The following OPRM1 variants were observed in gnomAD, a reference collection of about 807,000 sequenced individuals.
The protein encoded by OPRM1 is opioid receptor mu 1, also known as mu-type opioid receptor.
A neutral mutation model predicts 31.8 loss-of-function variants in OPRM1; 27 were observed. The ratio of observed to expected loss-of-function variants is 0.85; its 90% confidence interval spans 0.63 to 1.17. OPRM1 has a LOEUF of 1.17. Among genes scored for constraint, OPRM1 ranks in the 50% most tolerant of loss-of-function variants. The pLI, the probability that OPRM1 is intolerant of heterozygous loss-of-function variation, is 0.00. For missense variants in OPRM1, 536 were observed against 511.1 expected (o/e 1.05, Z -0.47); for synonymous variants, 196 against 189.9 (o/e 1.03, Z -0.26).
intron 3 of OPRM1, chr6:154,200,110 T>C: frequency 7.2e-7 from 1 of 1,395,564 alleles, no homozygotes; most frequent in Non-Finnish European, 9.6e-7. Flanking sequence ...CTCTACCTTT[T>C]ATTTTCAATC....
At chr6:154,045,735 G>C (rs1196535254) in intron 1 of OPRM1, among the ~76,000 whole-genome samples, 1 of 152,170 alleles carries the variant, frequency 6.6e-6, no homozygotes, top group Non-Finnish European at 1.5e-5. Context: ...CTGCCCTAGG[G>C]CTTCTCTACT....
At chr6:154,109,056 T>A (rs755224350) in intron 3 of OPRM1, 4 of 984,450 alleles carry the variant, frequency 4.1e-6, no homozygotes, top group Non-Finnish European at 4.8e-6. Flanking sequence ...AATTCTAGTG[T>A]CTAGAACCAA....
chr6:154,040,965 C>T (rs1183834068), intron 1 of OPRM1, among the ~76,000 whole-genome samples: 3 of 149,496 alleles, frequency 2.0e-5, no homozygotes, highest in Admixed American at 6.6e-5. Context: ...GTTCCTAATT[C>T]GAGGGTTTTT....
intron 3 of OPRM1, among the ~76,000 whole-genome samples, chr6:154,169,140 C>T (rs1045296911): frequency 2.6e-5 from 4 of 152,222 alleles, no homozygotes; most frequent in African/African-American, 7.2e-5. Context: ...GCAGGAGGAT[C>T]GCCTGAGCTC....
chr6:154,222,608 C>G (rs1778952762), intron 3 of OPRM1, among the ~76,000 whole-genome samples: 1 of 152,196 alleles, frequency 6.6e-6, no homozygotes, highest in Non-Finnish European at 1.5e-5. Context: ...GTCACAAACT[C>G]TTTGGGCTGT....
intron 3 of OPRM1, among the ~76,000 whole-genome samples, chr6:154,161,914 T>G (rs1799053596): frequency 6.6e-6 from 1 of 152,200 alleles, no homozygotes; most frequent in Non-Finnish European, 1.5e-5. Context: ...TTTCACATCC[T>G]TTTTCTGGCA....
chr6:154,060,378 C>T (rs146306739), intron 1 of OPRM1, among the ~76,000 whole-genome samples: 95 of 152,290 alleles, frequency 6.2e-4, no homozygotes, highest in Non-Finnish European at 1.1e-3. Context: ...GTAGTGGAAA[C>T]TCCCACATTT....
intron 3 of OPRM1, among the ~76,000 whole-genome samples, chr6:154,148,884 G>GACCTC (rs1000333776): frequency 6.6e-6 from 1 of 152,180 alleles, no homozygotes. Context: ...TCTATTACTT[G>GACCTC]ACCTCTGTAT....
Position 154,091,305 on chromosome 6 carries a change from C to G in OPRM1, c.997C>G (p.Leu333Val). 1.9e-6 allele frequency: 3 copies of G among 1,614,228 alleles called. No homozygotes were observed. Among genetic ancestry groups the G allele is most frequent in the Non-Finnish European group, 2.5e-6 (3 of 1,180,034 alleles). The change falls in exon 3 of 4, where the codon CTC becomes GTC. Residue 333 changes from leucine to valine, a missense_variant. Transcript: ENST00000330432. The part of the protein sequence containing the change: ...CIALGYTNSC[L>V]NPVLYAFLDE... ...TGCTCTAGGTTACACAAACAGCTGC[C>G]TCAACCCAGTCCTTTATGCATTTCT...
At chr6:154,223,513 C>T (rs1043402186) in intron 3 of OPRM1, among the ~76,000 whole-genome samples, 1 of 151,476 alleles carries the variant, frequency 6.6e-6, no homozygotes, top group Non-Finnish European at 1.5e-5. Flanking sequence ...GGCTTAGGGC[C>T]TGTCTCCACC....
chr6:154,051,544 A>G (rs1323941575), intron 1 of OPRM1, among the ~76,000 whole-genome samples: 2 of 152,208 alleles, frequency 1.3e-5, no homozygotes, highest in Non-Finnish European at 2.9e-5. Context: ...AAGAGTTACA[A>G]AGTATTTATG....
chr6:154,160,525 T>C (rs1053782152), intron 3 of OPRM1, among the ~76,000 whole-genome samples: 4 of 152,228 alleles, frequency 2.6e-5, no homozygotes, highest in Non-Finnish European at 5.9e-5. Context: ...ATTTATTTAA[T>C]ACAGAATAAA....
At chr6:154,207,462 T>C (rs1777594768) in intron 3 of OPRM1, among the ~76,000 whole-genome samples, 1 of 152,260 alleles carries the variant, frequency 6.6e-6, no homozygotes, top group Non-Finnish European at 1.5e-5. Flanking sequence ...AATAATCAAA[T>C]GACTTTGGTA....
At chr6:154,054,609 G>C (rs1782867160) in intron 1 of OPRM1, among the ~76,000 whole-genome samples, 1 of 152,168 alleles carries the variant, frequency 6.6e-6, no homozygotes, top group Admixed American at 6.5e-5. Context: ...ACTTTAAGGG[G>C]TTATTTATAG....
chr6:154,033,635 T>C (rs1440388879), intron 1 of OPRM1, among the ~76,000 whole-genome samples: 1 of 152,150 alleles, frequency 6.6e-6, no homozygotes, highest in Non-Finnish European at 1.5e-5. Context: ...AAGGCTATAA[T>C]GCAAAAGAGT....
chr6:154,163,454 T>C (rs984959367), intron 3 of OPRM1, among the ~76,000 whole-genome samples: 8 of 152,230 alleles, frequency 5.3e-5, no homozygotes, highest in Non-Finnish European at 1.2e-4. Flanking sequence ...TTCCTCAACA[T>C]GTTCTATCCC....
At chr6:154,224,251 T>C (rs1340594799) in intron 3 of OPRM1, among the ~76,000 whole-genome samples, 1 of 152,270 alleles carries the variant, frequency 6.6e-6, no homozygotes, top group African/African-American at 2.4e-5. Flanking sequence ...TTCAGTTTAC[T>C]TGATCATTCT....
chr6:154,152,345 AAG>A (rs764640190), intron 3 of OPRM1, among the ~76,000 whole-genome samples: 2 of 13,432 alleles, frequency 1.5e-4, no homozygotes, highest in African/African-American at 3.7e-4. Context: ...GAAAGAAAGA[AAG>A]GAAAGAAAGA....
At chr6:154,078,640 G>A (rs1788387513) in intron 1 of OPRM1, among the ~76,000 whole-genome samples, 1 of 152,236 alleles carries the variant, frequency 6.6e-6, no homozygotes. Context: ...GGAGGCCAAG[G>A]AGGGAGGACC....
Sources: allele counts gnomAD v4.1 joint callset (sites outside exome capture counted in the v4.1 genomes callset), GRCh38; gene constraint gnomAD v4.1.1; transcripts MANE v1.5; gene names NCBI Gene and HGNC (gene_info 2026-07-23, HGNC 2026-07-21).